ADAP2: variants seen among roughly 807,000 people sequenced by gnomAD.
ADAP2 encodes the protein arf-GAP with dual PH domain-containing protein 2.
A neutral mutation model predicts 54.9 loss-of-function variants in ADAP2; 42 were observed. The ratio of observed to expected loss-of-function variants is 0.77; its 90% CI spans 0.60 to 0.99. ADAP2 has a LOEUF of 0.99. Among genes scored for constraint, ADAP2 ranks in the 50% least tolerant of loss-of-function variants. The pLI is 0.00. For synonymous variants in ADAP2, 177 were observed against 180.1 expected (o/e 0.98, Z 0.14); for missense variants, 429 against 480.4 (o/e 0.89, Z 1.00).
Position 30,957,829 on chromosome 17 carries a change from T to G in ADAP2, c.1112-6T>G, listed in dbSNP as rs1905182417. The G allele has an allele frequency of 1.9e-6, 3 of 1,613,856 alleles. No individual in the cohort carries two copies. In the East Asian group the frequency reaches 6.7e-5, roughly 36 times the overall value. ...CCTCCCTCAGCCCTCTTCATTTCCC[T>G]TGCAGCTGCATCAACAGAGAGTGGC... is the stretch of plus-strand genomic sequence containing the variant. On this transcript the variant is annotated splice_polypyrimidine_tract_variant and splice_region_variant and intron_variant, in intron 10 of 10. Transcript: ENST00000330889.
chr17:30,922,667 C>T (rs780583756), intron 1 of ADAP2, among the ~76,000 whole-genome samples: 3 of 152,184 alleles, frequency 2.0e-5, no homozygotes, highest in Non-Finnish European at 4.4e-5. Flanking sequence ...CCCCGCGGTG[C>T]GCCCCCCGCG....
rs182907766 is a variant in ADAP2, at chr17:30,958,046, G to A, written c.*177G>A. On this transcript the variant is annotated 3_prime_UTR_variant, in exon 11 of 11. Transcript: ENST00000330889. ...TCCATCAGCTCCCTGGGCCTTCCCC[G>A]CAACCCACCTCGGGGATCTGAGGAT... is the stretch of plus-strand genomic sequence containing the variant. 5.9e-4 allele frequency: 378 copies of A among 641,042 alleles called. 3 individuals carry two copies. The highest frequency in any genetic ancestry group is 1.8e-3 in the Admixed American group (74 of 41,106). The allele number at this position is 641,042 out of a possible 1,614,324, so 39.7% of individuals were successfully genotyped here. A position where few individuals can be genotyped will look rare whatever the true frequency, so the allele number is the denominator to read the frequency against.
intron 5 of ADAP2, among the ~76,000 whole-genome samples, chr17:30,936,216 G>A (rs1056187886): frequency 1.3e-5 from 2 of 152,006 alleles, no homozygotes; most frequent in African/African-American, 4.8e-5. Flanking sequence ...GTGCAGTGGT[G>A]CAATCATAGC....
At chr17:30,926,957 G>A (rs2142508840) in intron 3 of ADAP2, 39 bp downstream of exon 3, 1 of 1,517,964 alleles carries the variant, frequency 6.6e-7, no homozygotes, top group Non-Finnish European at 9.1e-7. Context: ...TGAGGGGTCT[G>A]TCCTGGTTCC....
chr17:30,939,166 A>G (rs1275193342), intron 5 of ADAP2, among the ~76,000 whole-genome samples: 1 of 152,068 alleles, frequency 6.6e-6, no homozygotes, highest in East Asian at 1.9e-4. Flanking sequence ...AGAAAGCGCT[A>G]CTGCAGTTAG....
intron 5 of ADAP2, among the ~76,000 whole-genome samples, chr17:30,941,255 G>A (rs1426934276): frequency 3.3e-5 from 5 of 152,180 alleles, no homozygotes; most frequent in African/African-American, 1.2e-4. Context: ...GTTAATTATT[G>A]CTTCTCTTCA....
chr17:30,940,552 G>A (rs1053213615), intron 5 of ADAP2, among the ~76,000 whole-genome samples: 17 of 152,076 alleles, frequency 1.1e-4, no homozygotes, highest in African/African-American at 4.1e-4. Flanking sequence ...TGATTCGCCC[G>A]CCTTGGTCTC....
intron 4 of ADAP2, 50 bp from the exon 5 acceptor site, chr17:30,934,135 G>C: frequency 6.8e-7 from 1 of 1,463,916 alleles, no homozygotes; most frequent in Non-Finnish European, 9.5e-7. Flanking sequence ...TGAGCTGCTT[G>C]TGATCTTAAG....
Position 30,931,923 on chromosome 17 carries a change from G to T in ADAP2, c.352G>T (p.Glu118Ter). Residue 118 changes from glutamate (E) to a stop codon, truncating the protein, a stop_gained, in exon 4 of 11, where the codon GAG becomes TAG. Transcript: ENST00000330889. LOFTEE classifies it high-confidence loss of function. ...LKEQWIRAKY[E>*]RREFMADGET... The stretch of plus-strand genomic sequence containing the variant: ...GGAACAATGGATTCGAGCTAAGTAT[G>T]AGAGACGGGAATTTATGGCTGATGG... The T allele has an allele frequency of 6.2e-7, 1 of 1,613,886 alleles. No homozygotes were observed. Among genetic ancestry groups the T allele is most frequent in the Non-Finnish European group, 8.5e-7 (1 of 1,179,918 alleles).
rs1910727854 is a variant in ADAP2, at chr17:30,922,740, C to G, written c.95-200C>G. 2.0e-5 allele frequency among the ~76,000 whole-genome samples: 3 copies of G among 152,254 alleles called. No individual in the cohort carries two copies. In the South Asian group the frequency reaches 6.2e-4, roughly 31 times the overall value. Reference sequence around the variant, plus strand: ...CGTCGCGCAGCCTCAGACTCTCTCCCCGGGCCCTGAACTGCCTCCAGGATC... The same window carrying G: ...CGTCGCGCAGCCTCAGACTCTCTCCGCGGGCCCTGAACTGCCTCCAGGATC... On this transcript the variant is annotated intron_variant, in intron 1 of 10. Transcript: ENST00000330889.
chr17:30,923,136 G>T (rs573606028), intron 2 of ADAP2, 66 bp downstream of exon 2: 42 of 1,580,502 alleles, frequency 2.7e-5, no homozygotes, highest in Non-Finnish European at 3.5e-5. Context: ...CGGGCAGGGG[G>T]CTCCCATTCT....
chr17:30,948,653 C>T (rs1244025756), intron 6 of ADAP2, among the ~76,000 whole-genome samples: 2 of 152,142 alleles, frequency 1.3e-5, no homozygotes, highest in African/African-American at 2.4e-5. Context: ...CAGCTAGATA[C>T]ATGGTTGTCT....
At chr17:30,938,058 G>A (rs546758457) in intron 5 of ADAP2, among the ~76,000 whole-genome samples, 1 of 152,332 alleles carries the variant, frequency 6.6e-6, no homozygotes, top group South Asian at 2.1e-4. Flanking sequence ...CAGGAAAAAG[G>A]TGTTCAAGGA....
chr17:30,939,636 T>C (rs1912118646), intron 5 of ADAP2, among the ~76,000 whole-genome samples: 1 of 151,864 alleles, frequency 6.6e-6, no homozygotes, highest in South Asian at 2.1e-4. Flanking sequence ...CTGGGCGTGG[T>C]GGCAGGCGCC....
chr17:30,928,167 T>C (rs929509698), intron 3 of ADAP2, among the ~76,000 whole-genome samples: 17 of 109,280 alleles, frequency 1.6e-4, no homozygotes, highest in African/African-American at 5.9e-4. Flanking sequence ...CACTCCAGCC[T>C]GGGCAACAGA....
Position 30,922,102 on chromosome 17 carries a change from G to A in ADAP2, c.88G>A (p.Ala30Thr). The change falls in exon 1 of 11, where the codon GCG (alanine) becomes ACG (threonine). Residue 30 changes from alanine to threonine, a missense_variant. Coordinates refer to ENST00000330889, the MANE Select transcript of ADAP2 (RefSeq NM_018404.3). ...TGNAHCADCG[A>T]ADPDWASYKL... The stretch of plus-strand genomic sequence containing the variant: ...CAACGCGCACTGCGCCGACTGCGGG[G>A]CGGCAGGTAAGGGCGCGGCGGCGCG... The A allele has an allele frequency of 1.6e-6, 2 of 1,248,752 alleles. No homozygotes were observed. Among genetic ancestry groups the A allele is most frequent in the Non-Finnish European group, 2.0e-6 (2 of 997,942 alleles). The allele number at this position is 1,248,752 out of a possible 1,614,324, so 77.4% of individuals were successfully genotyped here.
At chr17:30,954,455 G>T (rs758334259) in intron 8 of ADAP2, 23 bp from the exon 9 acceptor site, 2 of 1,611,446 alleles carry the variant, frequency 1.2e-6, no homozygotes, top group Non-Finnish European at 1.7e-6. Context: ...GTCATCTGTG[G>T]TAAGAAGTTC....
intron 6 of ADAP2, 113 bp downstream of exon 6, chr17:30,945,166 T>A (rs1912574529): frequency 1.0e-5 from 13 of 1,268,408 alleles, no homozygotes; most frequent in South Asian, 6.0e-5. Flanking sequence ...CTCTTGAGAT[T>A]TTCTGCTACC....
intron 10 of ADAP2, 109 bp from the exon 11 acceptor site, chr17:30,957,726 C>A (rs1021341746): frequency 1.8e-6 from 2 of 1,095,778 alleles, no homozygotes; most frequent in Non-Finnish European, 2.7e-6. Flanking sequence ...CCACTGTGCC[C>A]GGCCATGGCT....
Sources: gnomAD v4.1 joint callset for allele counts (sites outside exome capture counted in the v4.1 genomes callset) on GRCh38, gnomAD v4.1.1 for gene constraint, MANE v1.5 for transcripts, NCBI Gene and HGNC (gene_info 2026-07-23, HGNC 2026-07-21) for gene names.